The following UCN3 variants were observed in gnomAD, a reference collection of about 807,000 sequenced individuals.
UCN3 encodes the protein urocortin-3.
A neutral mutation model predicts 3.6 loss-of-function variants in UCN3; 3 were observed. That is an observed-to-expected ratio of 0.83 (90% CI 0.38 to 2.15). The LOEUF (loss-of-function observed/expected upper bound fraction) is 2.15, where lower values mean the gene tolerates loss of function less well. Among genes scored for constraint, UCN3 ranks in the 30% most tolerant of loss-of-function variants. The probability of loss-of-function intolerance (pLI) is 0.06; values close to 1 mark genes in which losing one functional copy is unlikely to be tolerated. For synonymous variants in UCN3, 100 were observed against 93.2 expected (o/e 1.07, Z -0.42); for missense variants, 206 against 208.3 (o/e 0.99, Z 0.07).
intron 1 of UCN3, among the ~76,000 whole-genome samples, chr10:5,372,126 T>G (rs1831437015): frequency 6.6e-6 from 1 of 152,210 alleles, no homozygotes; most frequent in South Asian, 2.1e-4. Flanking sequence ...TTGTGCATGA[T>G]GAAGGACAAC....
In UCN3 at chr10:5,370,966, GTGTA is replaced by G. The variant is rs1403647160; in HGVS notation, c.-6-2740_-6-2737del. 2.7e-5 allele frequency among the ~76,000 whole-genome samples: 4 copies of G among 150,220 alleles called. 1 individual carries two copies. In the East Asian group the frequency reaches 7.8e-4, roughly 29 times the overall value. On this transcript the variant is annotated intron_variant, in intron 1 of 1. Transcript: ENST00000380433. ...GTGTATGTGTGTAAGGTGTGTGTGTGTGTATGTATGTACATGTGAGGTATGTATG... is the reference window on the plus strand; with the variant it reads ...GTGTATGTGTGTAAGGTGTGTGTGTGTGTATGTACATGTGAGGTATGTATG...
intron 1 of UCN3, among the ~76,000 whole-genome samples, chr10:5,369,883 G>GTC (rs1456723577): frequency 0.013 from 1,263 of 99,196 alleles, 76 homozygotes; most frequent in South Asian, 0.042. Context: ...ATATGTGTGT[G>GTC]TATATGTGTG....
chr10:5,370,378 CGTGTATATGCGT>C lies in UCN3; in HGVS notation c.-6-3327_-6-3316del, dbSNP rs1266893919. On this transcript the variant is annotated intron_variant, in intron 1 of 1. Coordinates refer to ENST00000380433, the MANE Select transcript of UCN3 (RefSeq NM_053049.4). ...GTGTGTGTATATGCGTGTGTATATG[CGTGTATATGCGT>C]GTGTATATGTGTGTGTATATGTGTG... Among the ~76,000 whole-genome samples the C allele has an allele frequency of 5.0e-3, 34 of 6,750 alleles. 5 individuals are homozygous for C. The highest frequency in any genetic ancestry group is 0.04 in the East Asian group (7 of 174). 4.4% of individuals were successfully genotyped at this position (6,750 alleles called of 152,430 possible).
At chr10:5,370,530 T>C (rs1831373097) in intron 1 of UCN3, among the ~76,000 whole-genome samples, 1 of 115,790 alleles carries the variant, frequency 8.6e-6, no homozygotes, top group South Asian at 3.7e-4. Context: ...TGTATGTGTG[T>C]GTGTATATGC....
At chr10:5,370,291 G>GTA (rs1831353188) in intron 1 of UCN3, among the ~76,000 whole-genome samples, 2 of 83,688 alleles carry the variant, frequency 2.4e-5, no homozygotes, top group Admixed American at 1.3e-4. Context: ...ATATGCGTGT[G>GTA]TGTATGCGTG....
rs1291288343 is a variant in UCN3, at chr10:5,370,374, TATGC to T, written c.-6-3340_-6-3337del. ...ATATGTGTGTGTATATGCGTGTGTA[TATGC>T]GTGTATATGCGTGTGTATATGTGTG... On this transcript the variant is annotated intron_variant, in intron 1 of 1. Transcript: ENST00000380433. 8.2e-5 allele frequency among the ~76,000 whole-genome samples: 6 copies of T among 72,814 alleles called. 1 individual carries two copies. Among genetic ancestry groups the T allele is most frequent in the East Asian group, 8.9e-4 (2 of 2,252 alleles). 47.8% of individuals were successfully genotyped at this position (72,814 alleles called of 152,430 possible).
At chr10:5,368,914 G>A (rs1554810934) in intron 1 of UCN3, among the ~76,000 whole-genome samples, 2 of 152,168 alleles carry the variant, frequency 1.3e-5, no homozygotes, top group Non-Finnish European at 2.9e-5. Flanking sequence ...GTCAGAGCAC[G>A]CAGAGCAGCG....
chr10:5,370,168 T>TGTGTGTATATGC (rs1564442458), intron 1 of UCN3, among the ~76,000 whole-genome samples: 2 of 29,918 alleles, frequency 6.7e-5, no homozygotes, highest in Admixed American at 3.8e-4. Flanking sequence ...TGTGTATATG[T>TGTGTGTATATGC]GTGTGTATAT....
chr10:5,373,950 A>T lies in UCN3; in HGVS notation c.230A>T (p.Glu77Val), dbSNP rs1217248081. ...ASSGEEEEGK[E>V]KKTFPISGAR... ...TCGGGAGAGGAGGAGGAGGGCAAAG[A>T]GAAAAAGACTTTCCCCATCTCTGGG... The change falls in exon 2 of 2, where the codon GAG becomes GTG. Residue 77 changes from glutamate (E) to valine (V), a missense_variant. By Grantham distance (121) the Glu-to-Val change is moderately radical. Coordinates refer to ENST00000380433, the MANE Select transcript of UCN3 (RefSeq NM_053049.4). 1 of 1,611,596 alleles carries T rather than the reference A, an allele frequency of 6.2e-7. No homozygotes were observed. The highest frequency in any genetic ancestry group is 1.3e-5 in the African/African-American group (1 of 74,768).
chr10:5,365,455 T>G lies in UCN3; in HGVS notation c.-7+225T>G, dbSNP rs1160311752. 1.3e-5 allele frequency among the ~76,000 whole-genome samples: 2 copies of G among 152,118 alleles called. No individual in the cohort carries two copies. ...AGGCACAATCACATTCCCACGTTGG[T>G]ATAGAGAGACCCTCTTTCCAAAGGT... On this transcript the variant is annotated intron_variant, in intron 1 of 1. Transcript: ENST00000380433. This position sits in a 1 kb window ranked among gnomAD's most constrained non-coding sequence, Gnocchi z 4.4.
chr10:5,373,939 G>A lies in UCN3; in HGVS notation c.219G>A (p.Glu73=). ...RSRDASSGEE[E]EGKEKKTFPI... ...GAGACGCCTCTTCGGGAGAGGAGGAGGAGGGCAAAGAGAAAAAGACTTTCC... is the reference window on the plus strand; with the variant it reads ...GAGACGCCTCTTCGGGAGAGGAGGAAGAGGGCAAAGAGAAAAAGACTTTCC... The change falls in exon 2 of 2, where the codon GAG becomes GAA. Residue 73 remains glutamate (E), a synonymous_variant. Coordinates refer to ENST00000380433, the MANE Select transcript of UCN3 (RefSeq NM_053049.4). 1 of 1,612,424 alleles carries A rather than the reference G, an allele frequency of 6.2e-7. No individual in the cohort carries two copies. The highest frequency in any genetic ancestry group is 8.5e-7 in the Non-Finnish European group (1 of 1,179,250).
rs1172673895 is a variant in UCN3, at chr10:5,370,095, GTA to G, written c.-6-3616_-6-3615del. On this transcript the variant is annotated intron_variant, in intron 1 of 1. Transcript: ENST00000380433. The stretch of plus-strand genomic sequence containing the variant: ...TGTATATGCGTGTGTATATGCGTGT[GTA>G]TATGCGTGTGTATATGTGTGTGTAT... Among the ~76,000 whole-genome samples the G allele has an allele frequency of 7.9e-5, 9 of 114,394 alleles. 1 individual carries two copies. The highest frequency in any genetic ancestry group is 5.7e-3 in the Middle Eastern group (1 of 174). The allele number at this position is 114,394 out of a possible 152,430, so 75.0% of individuals were successfully genotyped here. A position where few individuals can be genotyped will look rare whatever the true frequency, so the allele number is the denominator to read the frequency against.
chr10:5,374,454 T>C lies in UCN3; in HGVS notation c.*248T>C, dbSNP rs1831476479. The C allele has an allele frequency of 4.1e-6, 2 of 492,948 alleles. No homozygotes were observed. The highest frequency in any genetic ancestry group is 7.3e-6 in the Non-Finnish European group (2 of 272,222). The allele number at this position is 492,948 out of a possible 1,614,324, so 30.5% of individuals were successfully genotyped here. ...CCAACCTTCCCAGACACAAAGCAGC[T>C]AACGTTCCTCCCTGTACTCAGCGTC... On this transcript the variant is annotated 3_prime_UTR_variant, in exon 2 of 2. Transcript: ENST00000380433.
At chr10:5,368,396 C>T (rs1016643627) in intron 1 of UCN3, among the ~76,000 whole-genome samples, 6 of 152,112 alleles carry the variant, frequency 3.9e-5, no homozygotes, top group East Asian at 1.9e-4. Context: ...CAGTGCTTTT[C>T]GTAGAGGGAC....
At position 5,369,887 on chromosome 10, in the gene UCN3, ATG is replaced by A. The variant is rs782305269; in HGVS notation, c.-6-3818_-6-3817del. ...GGTGTGTGTGTATATGTGTGTGTATATGTGTGTGTGTATATGTGTGTGTGTAT... is the reference window on the plus strand; with the variant it reads ...GGTGTGTGTGTATATGTGTGTGTATATGTGTGTGTATATGTGTGTGTGTAT... On this transcript the variant is annotated intron_variant, in intron 1 of 1. Coordinates refer to ENST00000380433, the MANE Select transcript of UCN3 (RefSeq NM_053049.4). Among the ~76,000 whole-genome samples the A allele has an allele frequency of 7.8e-3, 581 of 74,092 alleles. 109 individuals are homozygous for A. Among genetic ancestry groups the A allele is most frequent in the African/African-American group, 0.018 (337 of 19,134 alleles). The allele number at this position is 74,092 out of a possible 152,430, so 48.6% of individuals were successfully genotyped here.
Position 5,370,187 on chromosome 10 carries a change from A to G in UCN3, c.-6-3528A>G, listed in dbSNP as rs199869527. Reference sequence around the variant, plus strand: ...TATATGTGTGTGTATATGCGTGTGTATATGCGTGTGTATATGCGTGTGTAT... The same window carrying G: ...TATATGTGTGTGTATATGCGTGTGTGTATGCGTGTGTATATGCGTGTGTAT... On this transcript the variant is annotated intron_variant, in intron 1 of 1. Transcript: ENST00000380433. Among the ~76,000 whole-genome samples the G allele has an allele frequency of 4.1e-4, 15 of 36,492 alleles. 1 individual carries two copies. The highest frequency in any genetic ancestry group is 5.4e-4 in the African/African-American group (3 of 5,516). 23.9% of individuals were successfully genotyped at this position (36,492 alleles called of 152,430 possible). A position where few individuals can be genotyped will look rare whatever the true frequency, so the allele number is the denominator to read the frequency against.
rs782259534 is a variant in UCN3, at chr10:5,370,032, TGC to T, written c.-6-3681_-6-3680del. The stretch of plus-strand genomic sequence containing the variant: ...ATGTGTGTGTATATGTGTGTGTATA[TGC>T]GTGTGTATATGCGTGTGTATGTGTG... On this transcript the variant is annotated intron_variant, in intron 1 of 1. Transcript: ENST00000380433. Among the ~76,000 whole-genome samples, 5 of 115,366 alleles carry T rather than the reference TGC, an allele frequency of 4.3e-5. 1 individual carries two copies. The highest frequency in any genetic ancestry group is 1.7e-4 in the Admixed American group (2 of 11,480). The allele number at this position is 115,366 out of a possible 152,430, so 75.7% of individuals were successfully genotyped here. A position where few individuals can be genotyped will look rare whatever the true frequency, so the allele number is the denominator to read the frequency against.
At chr10:5,372,228 GTT>G (rs1831440153) in intron 1 of UCN3, among the ~76,000 whole-genome samples, 17 of 152,196 alleles carry the variant, frequency 1.1e-4, no homozygotes, top group African/African-American at 4.1e-4. Flanking sequence ...AGAATGGTGG[GTT>G]TGATCTCAGG....
At chr10:5,371,226 A>G (rs1404247809) in intron 1 of UCN3, among the ~76,000 whole-genome samples, 1 of 150,338 alleles carries the variant, frequency 6.7e-6, no homozygotes, top group Non-Finnish European at 1.5e-5. Flanking sequence ...GTGTGCATGT[A>G]TAAATATGCA....
Sources: gnomAD v4.1 joint callset for allele counts (sites outside exome capture counted in the v4.1 genomes callset) on GRCh38, gnomAD v4.1.1 for gene constraint, Gnocchi (gnomAD v3.1) non-coding constraint, MANE v1.5 for transcripts, NCBI Gene and HGNC (gene_info 2026-07-23, HGNC 2026-07-21) for gene names.